CYREN: variants seen among roughly 807,000 people sequenced by gnomAD.
CYREN encodes cell cycle regulator of NHEJ.
CYREN carries 7 observed loss-of-function variants against 9.7 expected under a neutral mutation model. That is an observed-to-expected ratio of 0.72 (90% CI 0.41 to 1.36). The LOEUF is 1.36. Among genes scored for constraint, CYREN ranks in the 40% most tolerant of loss-of-function variants. The pLI is 0.01. For synonymous variants in CYREN, 76 were observed against 77.9 expected (o/e 0.98, Z 0.13); for missense variants, 215 against 198.1 (o/e 1.09, Z -0.51).
chr7:135,148,069 T>G (rs1042398652), intron 2 of CYREN: 4 of 456,038 alleles, frequency 8.8e-6, no homozygotes, highest in African/African-American at 8.0e-5. Flanking sequence ...TGTACCAAAG[T>G]TCAGAGAGCT....
At position 135,165,801 on chromosome 7, in the gene CYREN, G is replaced by GT. The variant is rs1830092436; in HGVS notation, c.*809dup. ...CAACTTACGCATTGGGGAATTGTGT[G>GT]TATTTTCTAGCACTTGTGTATTGGA... is the stretch of plus-strand genomic sequence containing the variant. On this transcript the variant is annotated 3_prime_UTR_variant, in exon 4 of 4. Coordinates refer to ENST00000393114, the MANE Select transcript of CYREN (RefSeq NM_024033.4). 6.0e-6 allele frequency: 1 copy of GT among 166,768 alleles called. No homozygotes were observed. The highest frequency in any genetic ancestry group is 1.5e-5 in the Non-Finnish European group (1 of 68,132). 10.3% of individuals were successfully genotyped at this position (166,768 alleles called of 1,614,324 possible).
At chr7:135,161,239 G>A (rs966169585), downstream of CYREN, among the ~76,000 whole-genome samples, 15 of 152,340 alleles carry the variant, frequency 9.8e-5, no homozygotes, top group Admixed American at 4.6e-4. The surrounding 1 kb of genome is among the most constrained non-coding windows in gnomAD (Gnocchi z 4.1). Context: ...GGCTCCTGGC[G>A]TCTGGCAGGA....
At chr7:135,153,686 A>G (rs1829719065) in intron 2 of CYREN, among the ~76,000 whole-genome samples, 2 of 152,192 alleles carry the variant, frequency 1.3e-5, no homozygotes, top group Non-Finnish European at 2.9e-5. Context: ...TCCCTGCAAT[A>G]AATCCCATCT....
chr7:135,109,906 G>A (rs114462109), intron 2 of CYREN, among the ~76,000 whole-genome samples: 1,935 of 152,326 alleles, frequency 0.013, 35 homozygotes, highest in African/African-American at 0.044. Context: ...TACCAGGGAG[G>A]CTCTGAACCA....
chr7:135,143,432 A>G (rs940269410), intron 2 of CYREN, among the ~76,000 whole-genome samples: 6 of 152,202 alleles, frequency 3.9e-5, no homozygotes, highest in African/African-American at 1.4e-4. Flanking sequence ...ACAAACAAAC[A>G]AATCCAGATG....
At chr7:135,163,677 T>G (rs935457799), downstream of CYREN, among the ~76,000 whole-genome samples, 2 of 152,154 alleles carry the variant, frequency 1.3e-5, no homozygotes, top group African/African-American at 4.8e-5. Flanking sequence ...ACGTCTAAGT[T>G]TTCTATAATT....
In CYREN at chr7:135,109,856, T is replaced by C. The variant is rs146871977; in HGVS notation, n.357-15274A>G. 4.0e-3 allele frequency among the ~76,000 whole-genome samples: 600 copies of C among 151,866 alleles called. 5 individuals are homozygous for C. Among genetic ancestry groups the C allele is most frequent in the African/African-American group, 0.014 (570 of 41,402 alleles). On this transcript the variant is annotated intron_variant and non_coding_transcript_variant, in intron 2 of 2. Transcript: ENST00000459937. The stretch of plus-strand genomic sequence containing the variant: ...GGCAAACATGGCTAAGGCTGTGAAA[T>C]AGCAAAGACGGTGGCCCATCCTTTC...
intron 2 of CYREN, chr7:135,129,650 G>A: frequency 2.6e-6 from 2 of 780,544 alleles, no homozygotes; most frequent in Non-Finnish European, 4.7e-6. Context: ...TTTATGCTGT[G>A]GATGTTGATG....
chr7:135,109,873 C>A (rs1052853051), intron 2 of CYREN, among the ~76,000 whole-genome samples: 1 of 152,186 alleles, frequency 6.6e-6, no homozygotes, highest in Non-Finnish European at 1.5e-5. Flanking sequence ...GACGGTGGCC[C>A]ATCCTTTCTC....
At chr7:135,170,975 C>T (rs1375913053), upstream of CYREN, among the ~76,000 whole-genome samples, 1 of 152,222 alleles carries the variant, frequency 6.6e-6, no homozygotes, top group African/African-American at 2.4e-5. Context: ...CAATTCTTGG[C>T]CCCTGAAGTT....
intron 2 of CYREN, chr7:135,168,523 C>T (rs899605964): frequency 7.4e-5 from 37 of 500,944 alleles, no homozygotes; most frequent in South Asian, 3.1e-5. Context: ...CAGAGACTGG[C>T]TGACATGGAG....
chr7:135,157,230 A>G (rs1829817646), intron 2 of CYREN, among the ~76,000 whole-genome samples: 1 of 152,140 alleles, frequency 6.6e-6, no homozygotes, highest in Non-Finnish European at 1.5e-5. Flanking sequence ...TTGCTTTTAT[A>G]AGGGAGAATT....
chr7:135,105,477 T>C (rs1199667061), intron 2 of CYREN, among the ~76,000 whole-genome samples: 1 of 152,248 alleles, frequency 6.6e-6, no homozygotes, highest in Non-Finnish European at 1.5e-5. Flanking sequence ...CAGCACCTGT[T>C]ATTGAATAGG....
At chr7:135,101,146 G>A (rs915505445) in intron 2 of CYREN, 1 of 455,712 alleles carries the variant, frequency 2.2e-6, no homozygotes, top group Non-Finnish European at 4.4e-6. Context: ...TCAGTGAGAG[G>A]CCAATCTAGG....
intron 2 of CYREN, among the ~76,000 whole-genome samples, chr7:135,119,883 T>TA (rs1826901196): frequency 6.7e-6 from 1 of 150,032 alleles, no homozygotes; most frequent in South Asian, 2.1e-4. Flanking sequence ...TCTCAAAAAA[T>TA]AAAAAAAGAA....
chr7:135,155,624 G>T (rs1471980692), intron 2 of CYREN, among the ~76,000 whole-genome samples: 2 of 152,162 alleles, frequency 1.3e-5, no homozygotes, highest in African/African-American at 2.4e-5. Context: ...TGCCAGGCAG[G>T]GGCATTAATT....
At chr7:135,170,059 C>A (rs940461140) in intron 1 of CYREN, among the ~76,000 whole-genome samples, 2 of 152,238 alleles carry the variant, frequency 1.3e-5, no homozygotes, top group Non-Finnish European at 2.9e-5. Flanking sequence ...TTTAGTTCAC[C>A]CTGGGGTGCC....
At chr7:135,128,777 G>T in intron 2 of CYREN, 1 of 1,278,044 alleles carries the variant, frequency 7.8e-7, no homozygotes, top group South Asian at 1.3e-5. Context: ...GATTTTGGAG[G>T]AACTTCTGGA....
chr7:135,093,701 G>A (rs73153761), exon 3 of CYREN: 39,370 of 152,030 alleles, frequency 0.26, 6,320 homozygotes, highest in South Asian at 0.43. Flanking sequence ...GATAGATTCA[G>A]TGCAATCCCT....
Sources: allele counts gnomAD v4.1 joint callset (sites outside exome capture counted in the v4.1 genomes callset), GRCh38; gene constraint gnomAD v4.1.1; non-coding constraint Gnocchi (gnomAD v3.1); transcripts MANE v1.5; gene names NCBI Gene and HGNC (gene_info 2026-07-23, HGNC 2026-07-21).